Variants in NTRK2 observed in about 807,000 individuals in gnomAD.
The protein encoded by NTRK2 is BDNF/NT-3 growth factors receptor.
A neutral mutation model predicts 94.5 loss-of-function variants in NTRK2; 13 were observed. The observed-to-expected ratio is 0.14, with a 90% CI of 0.09 to 0.22. NTRK2 has a LOEUF of 0.22. NTRK2 is among the 10% of genes least tolerant of loss of function. The pLI, the probability that NTRK2 is intolerant of heterozygous loss-of-function variation, is 1.00. For missense variants in NTRK2, 639 were observed against 1,071.2 expected (o/e 0.60, Z 5.63); for synonymous variants, 372 against 407.4 (o/e 0.91, Z 1.05).
chr9:84,865,603 A>G (rs1027615709), intron 13 of NTRK2, among the ~76,000 whole-genome samples: 5 of 152,220 alleles, frequency 3.3e-5, no homozygotes, highest in Non-Finnish European at 7.3e-5. Context: ...AAGGTAAAGG[A>G]TGGAAGTGCT....
chr9:84,982,203 G>A (rs1827708343), intron 17 of NTRK2, among the ~76,000 whole-genome samples: 1 of 152,126 alleles, frequency 6.6e-6, no homozygotes, highest in Non-Finnish European at 1.5e-5. Flanking sequence ...TTTAGCTAGG[G>A]TTGCTTTTAG....
At position 84,850,853 on chromosome 9, in the gene NTRK2, G is replaced by A. The variant is rs374271173; in HGVS notation, c.1397-10187G>A. 1.2e-4 allele frequency among the ~76,000 whole-genome samples: 19 copies of A among 152,290 alleles called. No homozygotes were observed. The East Asian group carries it at 1.9e-3, about 15-fold the overall frequency. ...CTAAGATAAACTGGGAGAGAAAGGG[G>A]CTGGCAGCCAGGTCACTAGGGAGGA... On this transcript the variant is annotated intron_variant, in intron 12 of 18. Transcript: ENST00000277120.
intron 12 of NTRK2, among the ~76,000 whole-genome samples, chr9:84,763,203 ACTT>A (rs1202731358): frequency 6.6e-6 from 1 of 152,060 alleles, no homozygotes. Flanking sequence ...CTTCTGGACA[ACTT>A]CTCTCGTCTT....
At chr9:84,926,828 C>T (rs1031921628) in intron 14 of NTRK2, among the ~76,000 whole-genome samples, 13 of 152,218 alleles carry the variant, frequency 8.5e-5, no homozygotes, top group African/African-American at 2.7e-4. Context: ...ATGCCCAAAG[C>T]ATTCTTGAGT....
chr9:84,942,347 G>T (rs116232866), intron 15 of NTRK2, among the ~76,000 whole-genome samples: 2 of 152,186 alleles, frequency 1.3e-5, no homozygotes, highest in South Asian at 2.1e-4. Flanking sequence ...AGATTCTGTC[G>T]TTAGAAGTTC....
In NTRK2 at chr9:84,671,008, C is replaced by T. The variant is rs758055692; in HGVS notation, c.212+48C>T. 3.2e-6 allele frequency: 5 copies of T among 1,571,558 alleles called. No homozygotes were observed. In the Admixed American group the frequency reaches 5.1e-5, roughly 16 times the overall value. On this transcript the variant is annotated intron_variant, in intron 2 of 18. Transcript: ENST00000277120. Reference sequence around the variant, plus strand: ...CCTTTTTCTCCTTGCCCCTAGGGCCCGAGCTGGCCAGGTGGGTAGGTCCTG... The same window carrying T: ...CCTTTTTCTCCTTGCCCCTAGGGCCTGAGCTGGCCAGGTGGGTAGGTCCTG...
At chr9:84,821,831 GA>G in intron 12 of NTRK2, among the ~76,000 whole-genome samples, 1 of 151,612 alleles carries the variant, frequency 6.6e-6, no homozygotes, top group Non-Finnish European at 1.5e-5. Context: ...GAGAGAGAGA[GA>G]GAGAGAGAGA....
At chr9:84,940,862 T>C (rs1243242012) in intron 15 of NTRK2, among the ~76,000 whole-genome samples, 1 of 152,242 alleles carries the variant, frequency 6.6e-6, no homozygotes, top group Non-Finnish European at 1.5e-5. Flanking sequence ...ATGACAGTCA[T>C]CATATCACTT....
At chr9:84,797,660 T>G (rs1477118114) in intron 12 of NTRK2, among the ~76,000 whole-genome samples, 1 of 42,302 alleles carries the variant, frequency 2.4e-5, no homozygotes. Context: ...AATATATATA[T>G]TATATATTAT....
intron 13 of NTRK2, among the ~76,000 whole-genome samples, chr9:84,866,570 G>A (rs2075605144): frequency 6.6e-6 from 1 of 152,106 alleles, no homozygotes; most frequent in African/African-American, 2.4e-5. Context: ...GGAAAGCTAC[G>A]TATTATCTTA....
chr9:84,862,001 C>A (rs2075361078), intron 13 of NTRK2, among the ~76,000 whole-genome samples: 1 of 152,180 alleles, frequency 6.6e-6, no homozygotes, highest in Admixed American at 6.5e-5. Flanking sequence ...CAGACCTTGT[C>A]TTGTTGGGCA....
At chr9:84,882,631 T>C (rs2076287209) in intron 14 of NTRK2, among the ~76,000 whole-genome samples, 1 of 152,158 alleles carries the variant, frequency 6.6e-6, no homozygotes, top group Admixed American at 6.5e-5. Context: ...CACTTGGCTG[T>C]TGGCAGTTGT....
intron 2 of NTRK2, among the ~76,000 whole-genome samples, chr9:84,671,632 A>G (rs2058703285): frequency 6.6e-6 from 1 of 152,214 alleles, no homozygotes; most frequent in Non-Finnish European, 1.5e-5. Context: ...CTTCCCAGAG[A>G]TATGATTTTG....
At chr9:84,746,029 A>G (rs1271603286) in intron 11 of NTRK2, among the ~76,000 whole-genome samples, 1 of 152,026 alleles carries the variant, frequency 6.6e-6, no homozygotes, top group Admixed American at 6.5e-5. Flanking sequence ...TATAAATTCC[A>G]AATCTGTCCA....
intron 12 of NTRK2, chr9:84,810,535 C>T (rs778182848): frequency 6.2e-7 from 1 of 1,612,076 alleles, no homozygotes; most frequent in Non-Finnish European, 8.5e-7. Context: ...TTTTGTGTTT[C>T]TTTTAGGTTT....
chr9:84,814,626 G>A (rs2072188019), intron 12 of NTRK2: 1 of 1,065,694 alleles, frequency 9.4e-7, no homozygotes, highest in East Asian at 5.0e-5. Context: ...ACCTCCGCCT[G>A]TTTTGGTGCT....
At chr9:84,822,436 G>T (rs1175687523) in intron 12 of NTRK2, among the ~76,000 whole-genome samples, 1 of 152,190 alleles carries the variant, frequency 6.6e-6, no homozygotes, top group Non-Finnish European at 1.5e-5. Flanking sequence ...CCAAATGTGG[G>T]CAATAGGAAT....
At chr9:84,676,118 C>A in intron 2 of NTRK2, among the ~76,000 whole-genome samples, 1 of 152,178 alleles carries the variant, frequency 6.6e-6, no homozygotes, top group East Asian at 1.9e-4. Context: ...TCACCACTAC[C>A]CAGTCACTAC....
rs551047511 is a variant in NTRK2 at position 84,749,388 on chromosome 9, C to T, written c.1297-2598C>T. Among the ~76,000 whole-genome samples, 7 of 152,282 alleles carry T rather than the reference C, an allele frequency of 4.6e-5. No homozygotes were observed. In the East Asian group the frequency reaches 1.4e-3, roughly 29 times the overall value. ...TGTGCTCTGTGATTTATTTAATGCT[C>T]TTCTCATCTGACATGAAAGATGGTG... On this transcript the variant is annotated intron_variant, in intron 11 of 18. Coordinates refer to ENST00000277120, the MANE Select transcript of NTRK2 (RefSeq NM_006180.6).
Sources: allele counts gnomAD v4.1 joint callset (sites outside exome capture counted in the v4.1 genomes callset), GRCh38; gene constraint gnomAD v4.1.1; transcripts MANE v1.5; gene names NCBI Gene and HGNC (gene_info 2026-07-23, HGNC 2026-07-21).